Variants in DPP6 observed in about 807,000 individuals in gnomAD.
DPP6 encodes the protein A-type potassium channel modulatory protein DPP6.
DPP6 carries 69 observed loss-of-function variants against 122.6 expected under a neutral mutation model. The ratio of observed to expected loss-of-function variants is 0.56; its 90% CI spans 0.46 to 0.69. The LOEUF (loss-of-function observed/expected upper bound fraction) is 0.69. Among genes scored for constraint, DPP6 ranks in the 30% least tolerant of loss-of-function variants. The pLI, the probability that DPP6 is intolerant of heterozygous loss-of-function variation, is 0.00. For synonymous variants in DPP6, 418 were observed against 433.1 expected, an observed-to-expected ratio of 0.97 and a Z score of 0.43; for missense variants, 928 against 1,116.9, an observed-to-expected ratio of 0.83 and a Z score of 2.41.
chr7:154,514,002 C>T (rs893914347), intron 3 of DPP6, among the ~76,000 whole-genome samples: 22 of 152,262 alleles, frequency 1.4e-4, no homozygotes, highest in East Asian at 9.7e-4. Flanking sequence ...GGGCTGGGCA[C>T]GGTGGCTTAT....
At chr7:154,224,068 G>C in intron 1 of DPP6, among the ~76,000 whole-genome samples, 1 of 148,170 alleles carries the variant, frequency 6.7e-6, no homozygotes, top group Admixed American at 6.6e-5. Context: ...TCCCTGGGAG[G>C]ACACTGCAGC....
At chr7:154,295,532 C>T (rs1187714782) in intron 1 of DPP6, among the ~76,000 whole-genome samples, 1 of 152,168 alleles carries the variant, frequency 6.6e-6, no homozygotes, top group Non-Finnish European at 1.5e-5. Context: ...TCTGCCCTCA[C>T]TTACAGGTGA....
intron 3 of DPP6, among the ~76,000 whole-genome samples, chr7:154,488,243 C>G (rs902298112): frequency 2.6e-5 from 4 of 152,104 alleles, no homozygotes; most frequent in Non-Finnish European, 5.9e-5. Context: ...AATCCCAGCA[C>G]TTTGGGAGGC....
At chr7:154,113,646 C>T (rs1806768531) in intron 1 of DPP6, among the ~76,000 whole-genome samples, 1 of 151,284 alleles carries the variant, frequency 6.6e-6, no homozygotes, top group South Asian at 2.1e-4. Context: ...GTGTCATATC[C>T]AAGAAGTCAT....
intron 19 of DPP6, among the ~76,000 whole-genome samples, chr7:154,874,063 G>GCA (rs1804642599): frequency 1.6e-5 from 2 of 124,286 alleles, no homozygotes; most frequent in Middle Eastern, 4.5e-3. Flanking sequence ...ATATGCACAT[G>GCA]TATGTGTATA....
intron 23 of DPP6, among the ~76,000 whole-genome samples, chr7:154,888,237 C>T (rs778285662): frequency 9.9e-5 from 15 of 152,014 alleles, no homozygotes; most frequent in Admixed American, 3.9e-4. Flanking sequence ...TACAGGCACA[C>T]GCTGCCACGC....
rs1443061928 is a variant in DPP6, at chr7:154,061,621, G to C, written c.243+8558G>C. 6.6e-4 allele frequency among the ~76,000 whole-genome samples: 69 copies of C among 104,974 alleles called. 3 individuals are homozygous for C. Among genetic ancestry groups the C allele is most frequent in the Admixed American group, 4.2e-3 (38 of 9,048 alleles). 68.9% of individuals were successfully genotyped at this position (104,974 alleles called of 152,430 possible). ...GGCTCTTGGGACTCCCATCACAGGG[G>C]GGGGAGGCACCCGCTGCGAGGCGGG... On this transcript the variant is annotated intron_variant, in intron 1 of 25. Coordinates refer to ENST00000377770, the MANE Select transcript of DPP6 (RefSeq NM_130797.4).
intron 1 of DPP6, among the ~76,000 whole-genome samples, chr7:154,386,221 A>G (rs890998423): frequency 1.3e-5 from 2 of 152,102 alleles, no homozygotes; most frequent in Non-Finnish European, 2.9e-5. Flanking sequence ...TCTTGTTGCA[A>G]CTGTTTCCAT....
At chr7:153,910,940 T>C (rs1174803882) in intron 1 of DPP6, among the ~76,000 whole-genome samples, 1 of 152,204 alleles carries the variant, frequency 6.6e-6, no homozygotes, top group Non-Finnish European at 1.5e-5. Flanking sequence ...AAGTGGACTC[T>C]TACTTGGCTT....
chr7:154,681,970 G>T (rs1253737109), intron 7 of DPP6, among the ~76,000 whole-genome samples: 1 of 152,234 alleles, frequency 6.6e-6, no homozygotes, highest in Non-Finnish European at 1.5e-5. Flanking sequence ...ACAGCCCGTT[G>T]CTCAGCATTG....
intron 1 of DPP6, among the ~76,000 whole-genome samples, chr7:154,077,836 A>G (rs905943983): frequency 1.3e-5 from 2 of 151,564 alleles, no homozygotes; most frequent in African/African-American, 4.8e-5. Flanking sequence ...ATGCCCAGCT[A>G]ATTTTTGTAT....
chr7:154,634,735 A>T (rs1835634619), intron 5 of DPP6, among the ~76,000 whole-genome samples: 1 of 148,488 alleles, frequency 6.7e-6, no homozygotes. Flanking sequence ...TCTTCTTGCC[A>T]TGGCCTTGAT....
intron 10 of DPP6, among the ~76,000 whole-genome samples, chr7:154,785,115 G>C (rs920555733): frequency 6.6e-6 from 1 of 152,164 alleles, no homozygotes; most frequent in African/African-American, 2.4e-5. Flanking sequence ...CCATGACACC[G>C]TGGGTTTATT....
chr7:154,838,532 T>C (rs1801264930), intron 16 of DPP6: 1 of 152,254 alleles, frequency 6.6e-6, no homozygotes, highest in Admixed American at 6.5e-5. Flanking sequence ...ACAGAACGTG[T>C]ACGTGGCTTA....
chr7:154,568,660 C>T (rs1343993532), intron 5 of DPP6, among the ~76,000 whole-genome samples: 1 of 152,128 alleles, frequency 6.6e-6, no homozygotes, highest in East Asian at 1.9e-4. Flanking sequence ...TGATAAAGAT[C>T]ATTTTGCTAA....
rs2533731 is a variant in DPP6 at position 154,052,878 on chromosome 7, G to C, written c.58G>C (p.Ala20Pro). 3 of 1,534,844 alleles carry C rather than the reference G, an allele frequency of 2.0e-6. No individual in the cohort carries two copies. The highest frequency in any genetic ancestry group is 2.6e-6 in the Non-Finnish European group (3 of 1,141,116). Residue 20 changes from alanine to proline, a missense_variant, in exon 1 of 26, where the codon GCG becomes CCG. By Grantham distance (27) the Ala-to-Pro change is conservative (BLOSUM62 -1). Transcript: ENST00000377770. This position sits in a 1 kb window ranked among gnomAD's most constrained non-coding sequence, Gnocchi z 4.8. ...GKINTSRSFP[A>P]PPEASHLLGG... ...GATCAACACCTCGAGGTCCTTCCCC[G>C]CGCCCCCGGAGGCGAGTCACCTCCT...
At chr7:153,928,959 A>C (rs2129012322) in intron 1 of DPP6, among the ~76,000 whole-genome samples, 1 of 152,290 alleles carries the variant, frequency 6.6e-6, no homozygotes, top group South Asian at 2.1e-4. Context: ...GTAACGGAAT[A>C]AACATGGGAG....
intron 10 of DPP6, among the ~76,000 whole-genome samples, chr7:154,791,306 G>A (rs1242853964): frequency 6.6e-6 from 1 of 152,044 alleles, no homozygotes; most frequent in Non-Finnish European, 1.5e-5. Flanking sequence ...CCTGAGACTG[G>A]GTAATTTAGA....
chr7:153,815,422 G>A, the DPP6 span, among the ~76,000 whole-genome samples: 4,383 of 152,080 alleles, frequency 0.029, 183 homozygotes, highest in African/African-American at 0.091. Context: ...CAATGTGCAG[G>A]TTAGTTACAT....
Sources: gnomAD v4.1 joint callset for allele counts (sites outside exome capture counted in the v4.1 genomes callset) on GRCh38, gnomAD v4.1.1 for gene constraint, Gnocchi (gnomAD v3.1) non-coding constraint, MANE v1.5 for transcripts, NCBI Gene and HGNC (gene_info 2026-07-23, HGNC 2026-07-21) for gene names.